Variants in KCNH7 observed in about 807,000 individuals in gnomAD.
KCNH7 encodes potassium voltage-gated channel subfamily H member 7.
Under a neutral mutation model 120.8 loss-of-function variants are expected in KCNH7, and 49 were observed. The ratio of observed to expected loss-of-function variants is 0.41; its 90% confidence interval spans 0.32 to 0.51. The LOEUF is 0.51. Ranked by LOEUF, KCNH7 falls within the 20% of genes least tolerant of loss-of-function variation. KCNH7 has a pLI of 0.38. For missense variants in KCNH7, 1,097 were observed against 1,446.6 expected, an observed-to-expected ratio of 0.76 and a Z score of 3.92; for synonymous variants, 547 against 516.1, an observed-to-expected ratio of 1.06 and a Z score of -0.81.
At chr2:162,834,835 C>A (rs1237329972) in intron 2 of KCNH7, among the ~76,000 whole-genome samples, 2 of 152,032 alleles carry the variant, frequency 1.3e-5, no homozygotes, top group Non-Finnish European at 2.9e-5. Flanking sequence ...GCAATTTGGG[C>A]AATCCAGATT....
rs768209817 is a variant in KCNH7, at chr2:162,644,955, ATG to A, written c.308-107877_308-107876del. ...CTTGTCAATAAAATTTAGTCAATATATGTGTGTGTGTATATATAAATTTCTAA... is the reference window on the plus strand; with the variant it reads ...CTTGTCAATAAAATTTAGTCAATATATGTGTGTGTATATATAAATTTCTAA... On this transcript the variant is annotated intron_variant, in intron 2 of 15. Transcript: ENST00000332142. 7.2e-5 allele frequency among the ~76,000 whole-genome samples: 11 copies of A among 152,260 alleles called. No homozygotes were observed. In the South Asian group the frequency reaches 1.7e-3, roughly 23 times the overall value.
intron 2 of KCNH7, among the ~76,000 whole-genome samples, chr2:162,758,462 A>C: frequency 6.6e-6 from 1 of 152,050 alleles, no homozygotes; most frequent in Admixed American, 6.6e-5. Flanking sequence ...TTATATGTAC[A>C]CACACATATA....
At chr2:162,690,245 G>A (rs1686053018) in intron 2 of KCNH7, among the ~76,000 whole-genome samples, 1 of 152,116 alleles carries the variant, frequency 6.6e-6, no homozygotes, top group African/African-American at 2.4e-5. Context: ...AAAGTGGAAA[G>A]AGGAAGAGAA....
At chr2:162,627,810 A>G (rs1399600421) in intron 2 of KCNH7, among the ~76,000 whole-genome samples, 1 of 152,178 alleles carries the variant, frequency 6.6e-6, no homozygotes, top group Non-Finnish European at 1.5e-5. Context: ...AGTGATTAAA[A>G]TCTTTAAGAA....
intron 2 of KCNH7, among the ~76,000 whole-genome samples, chr2:162,703,772 T>C (rs1301341433): frequency 1.3e-5 from 2 of 152,136 alleles, no homozygotes; most frequent in African/African-American, 2.4e-5. Flanking sequence ...CCCTATACCA[T>C]AGTCATCACA....
intron 2 of KCNH7, among the ~76,000 whole-genome samples, chr2:162,813,287 G>A (rs1164032517): frequency 6.6e-6 from 1 of 152,082 alleles, no homozygotes; most frequent in African/African-American, 2.4e-5. Flanking sequence ...AGACAATCAT[G>A]GATAAAAAGG....
intron 2 of KCNH7, among the ~76,000 whole-genome samples, chr2:162,599,413 A>C (rs920120403): frequency 6.6e-6 from 1 of 151,958 alleles, no homozygotes; most frequent in African/African-American, 2.4e-5. Context: ...CCTTTCCTCT[A>C]TGAAATAATG....
chr2:162,519,332 C>T (rs1691435888), intron 3 of KCNH7, among the ~76,000 whole-genome samples: 1 of 151,672 alleles, frequency 6.6e-6, no homozygotes. Context: ...CTATGATATT[C>T]TTTAAAAGGT....
intron 2 of KCNH7, among the ~76,000 whole-genome samples, chr2:162,641,087 T>G (rs949179140): frequency 5.3e-5 from 8 of 152,148 alleles, no homozygotes; most frequent in African/African-American, 1.9e-4. Flanking sequence ...TGGGAAGGTA[T>G]AATGATACAG....
At chr2:162,431,545 A>G (rs1430358857) in intron 8 of KCNH7, among the ~76,000 whole-genome samples, 1 of 151,882 alleles carries the variant, frequency 6.6e-6, no homozygotes, top group Non-Finnish European at 1.5e-5. Flanking sequence ...TTATGACATA[A>G]TATGTCATGG....
intron 3 of KCNH7, among the ~76,000 whole-genome samples, chr2:162,532,394 G>A (rs1049311845): frequency 6.6e-6 from 1 of 151,762 alleles, no homozygotes; most frequent in African/African-American, 2.4e-5. Flanking sequence ...CAATAGAAGG[G>A]GCTTAAAAAG....
At chr2:162,437,902 G>A (rs1232312163) in intron 7 of KCNH7, among the ~76,000 whole-genome samples, 1 of 152,032 alleles carries the variant, frequency 6.6e-6, no homozygotes, top group African/African-American at 2.4e-5. Flanking sequence ...TGAAACAAAG[G>A]GACTTCATGA....
chr2:162,699,575 G>A lies in KCNH7; in HGVS notation c.307+136962C>T, dbSNP rs1209420167. Among the ~76,000 whole-genome samples, 4 of 152,020 alleles carry A rather than the reference G, an allele frequency of 2.6e-5. No individual in the cohort carries two copies. The East Asian group carries it at 7.7e-4, about 29-fold the overall frequency. On this transcript the variant is annotated intron_variant, in intron 2 of 15. Coordinates refer to ENST00000332142, the MANE Select transcript of KCNH7 (RefSeq NM_033272.4). ...GCATGTGCAGAATGTGCAGTAATGGGTTCTTTACTTCATATTGAGCTTCTT... is the reference window on the plus strand; with the variant it reads ...GCATGTGCAGAATGTGCAGTAATGGATTCTTTACTTCATATTGAGCTTCTT...
intron 8 of KCNH7, among the ~76,000 whole-genome samples, chr2:162,434,001 G>A (rs950964187): frequency 6.6e-6 from 1 of 151,852 alleles, no homozygotes. Flanking sequence ...GCAGTAAACC[G>A]GATAAATAAA....
rs1574346534 is a variant in KCNH7, at chr2:162,755,327, C to T, written c.307+81210G>A. On this transcript the variant is annotated intron_variant, in intron 2 of 15. Transcript: ENST00000332142. ...CTACTAAAAATACAAAAAAAATTAG[C>T]CAGGTTTGGTGGTGGGCACCTGTAA... Among the ~76,000 whole-genome samples the T allele has an allele frequency of 2.6e-5, 4 of 152,022 alleles. No homozygotes were observed. In the South Asian group the frequency reaches 8.3e-4, roughly 32 times the overall value.
At chr2:162,404,290 T>C (rs1173248603) in intron 9 of KCNH7, among the ~76,000 whole-genome samples, 3 of 151,962 alleles carry the variant, frequency 2.0e-5, no homozygotes, top group African/African-American at 7.2e-5. Flanking sequence ...ATTGAGGCAA[T>C]CTAATTTTAA....
At chr2:162,512,581 A>G in intron 5 of KCNH7, 73 bp downstream of exon 5, 1 of 1,361,806 alleles carries the variant, frequency 7.3e-7, no homozygotes. Flanking sequence ...CAGGGCATAC[A>G]GCAGGCAAGT....
At chr2:162,679,216 AC>A (rs1685629445) in intron 2 of KCNH7, among the ~76,000 whole-genome samples, 1 of 151,570 alleles carries the variant, frequency 6.6e-6, no homozygotes, top group Non-Finnish European at 1.5e-5. Context: ...CTTTCTCAGA[AC>A]AGCAATCTTG....
At chr2:162,794,755 C>T (rs1684077928) in intron 2 of KCNH7, among the ~76,000 whole-genome samples, 1 of 151,920 alleles carries the variant, frequency 6.6e-6, no homozygotes, top group African/African-American at 2.4e-5. Flanking sequence ...TTTATGCATT[C>T]CCATTAGTAA....
Sources: gnomAD v4.1 joint callset for allele counts (sites outside exome capture counted in the v4.1 genomes callset) on GRCh38, gnomAD v4.1.1 for gene constraint, MANE v1.5 for transcripts, NCBI Gene and HGNC (gene_info 2026-07-23, HGNC 2026-07-21) for gene names.